The following TANGO6 variants were observed in gnomAD, a reference collection of about 807,000 sequenced individuals.
The protein encoded by TANGO6 is transport and golgi organization 6 homolog.
In TANGO6, 90 loss-of-function variants were observed where a neutral mutation model predicts 114.2. The ratio of observed to expected loss-of-function variants is 0.79; its 90% CI spans 0.66 to 0.94. The LOEUF (loss-of-function observed/expected upper bound fraction) is 0.94, where lower values mean the gene tolerates loss of function less well. Ranked by LOEUF, TANGO6 falls within the 40% of genes least tolerant of loss-of-function variation. TANGO6 has a pLI of 0.00. For missense variants in TANGO6, 1,274 were observed against 1,315.3 expected, an observed-to-expected ratio of 0.97 and a Z score of 0.49; for synonymous variants, 477 against 509.8, an observed-to-expected ratio of 0.94 and a Z score of 0.87.
At chr16:68,847,531 T>C (rs1961832161) in intron 1 of TANGO6, among the ~76,000 whole-genome samples, 1 of 152,170 alleles carries the variant, frequency 6.6e-6, no homozygotes, top group Non-Finnish European at 1.5e-5. Context: ...TTGTGTTCCA[T>C]GTTTGGGTTC....
intron 1 of TANGO6, among the ~76,000 whole-genome samples, chr16:68,844,252 T>C (rs1432852881): frequency 6.6e-6 from 1 of 152,040 alleles, no homozygotes; most frequent in Non-Finnish European, 1.5e-5. Flanking sequence ...CAGTCTAAAA[T>C]CTGAAGGGAT....
At chr16:69,061,090 G>A (rs1667850443) in intron 17 of TANGO6, among the ~76,000 whole-genome samples, 1 of 152,080 alleles carries the variant, frequency 6.6e-6, no homozygotes, top group Non-Finnish European at 1.5e-5. Context: ...GCCTCAACAA[G>A]TTTTCTTAAG....
chr16:68,968,669 ATTTT>A (rs1173517416), intron 14 of TANGO6, among the ~76,000 whole-genome samples: 1 of 109,210 alleles, frequency 9.2e-6, no homozygotes. Flanking sequence ...CCAGCCTAGC[ATTTT>A]TTTTTTTTTT....
At chr16:68,875,684 G>T (rs1282666925) in intron 5 of TANGO6, among the ~76,000 whole-genome samples, 2 of 151,746 alleles carry the variant, frequency 1.3e-5, no homozygotes, top group Non-Finnish European at 2.9e-5. Flanking sequence ...CAGGAGAACG[G>T]ATTGAACCCG....
At chr16:68,954,776 A>G (rs16958503) in intron 14 of TANGO6, among the ~76,000 whole-genome samples, 8,409 of 152,322 alleles carry the variant, frequency 0.055, 316 homozygotes, top group Non-Finnish European at 0.077. Context: ...TTAAAAAGGT[A>G]AAAAACCATA....
intron 16 of TANGO6, among the ~76,000 whole-genome samples, chr16:69,025,324 G>A (rs1330987616): frequency 6.6e-6 from 1 of 152,190 alleles, no homozygotes; most frequent in Non-Finnish European, 1.5e-5. Flanking sequence ...GCAGAGAAGG[G>A]AGCTGGAGAG....
chr16:69,083,668 C>T lies in TANGO6; in HGVS notation c.*7C>T, dbSNP rs373468681. Reference sequence around the variant, plus strand: ...GATCATGGTCCTGCCGTAGACCTGGCTCCAAGGACGTGGAGGAGGCAGGCA... The same window carrying T: ...GATCATGGTCCTGCCGTAGACCTGGTTCCAAGGACGTGGAGGAGGCAGGCA... On this transcript the variant is annotated 3_prime_UTR_variant, in exon 18 of 18. Transcript: ENST00000261778. 1.8e-5 allele frequency: 28 copies of T among 1,553,418 alleles called. No homozygotes were observed. The highest frequency in any genetic ancestry group is 2.4e-5 in the Non-Finnish European group (27 of 1,147,968).
intron 15 of TANGO6, among the ~76,000 whole-genome samples, chr16:68,999,519 A>C (rs1221133320): frequency 6.6e-6 from 1 of 152,236 alleles, no homozygotes; most frequent in African/African-American, 2.4e-5. Flanking sequence ...ATTACAAAAG[A>C]AAACAGATTC....
chr16:68,988,590 A>G (rs746992323), intron 15 of TANGO6, among the ~76,000 whole-genome samples: 4 of 152,262 alleles, frequency 2.6e-5, no homozygotes, highest in Admixed American at 2.0e-4. Flanking sequence ...TTCTTCTAGA[A>G]TGTTAATGAT....
chr16:68,946,075 C>T (rs1963411348), intron 14 of TANGO6, among the ~76,000 whole-genome samples: 1 of 152,088 alleles, frequency 6.6e-6, no homozygotes, highest in African/African-American at 2.4e-5. Flanking sequence ...TTATCAGATG[C>T]ATGATTTGCA....
intron 17 of TANGO6, among the ~76,000 whole-genome samples, chr16:69,073,827 C>T (rs1272768667): frequency 2.0e-5 from 3 of 151,978 alleles, no homozygotes; most frequent in Non-Finnish European, 4.4e-5. Context: ...TGGTGGCGGG[C>T]GCCTGTAATC....
chr16:69,016,339 G>C (rs531811995), intron 15 of TANGO6, among the ~76,000 whole-genome samples: 1 of 151,850 alleles, frequency 6.6e-6, no homozygotes, highest in African/African-American at 2.4e-5. Context: ...GGGAGGTTGC[G>C]GTGAGCCGAG....
intron 17 of TANGO6, among the ~76,000 whole-genome samples, chr16:69,062,546 C>G (rs1159982370): frequency 6.6e-6 from 1 of 151,858 alleles, no homozygotes; most frequent in East Asian, 1.9e-4. Flanking sequence ...GATCTCGGCT[C>G]ACTGCAACCT....
rs190401055 is a variant in TANGO6, at chr16:68,905,824, G to A, written c.1668-1619G>A. Among the ~76,000 whole-genome samples the A allele has an allele frequency of 7.2e-5, 11 of 152,146 alleles. No individual in the cohort carries two copies. In the East Asian group the frequency reaches 1.9e-3, roughly 27 times the overall value. ...GGAGGTTGAGGCTGCAGTGAGCCAC[G>A]ATCGCACCACTGCACTCCAGCCTAG... On this transcript the variant is annotated intron_variant, in intron 9 of 17. Coordinates refer to ENST00000261778, the MANE Select transcript of TANGO6 (RefSeq NM_024562.2).
chr16:68,976,251 A>G (rs1963764953), intron 15 of TANGO6, among the ~76,000 whole-genome samples: 3 of 152,220 alleles, frequency 2.0e-5, no homozygotes. Flanking sequence ...GGATATTAAT[A>G]ACACTTAACT....
chr16:68,944,681 G>A (rs541618986), intron 14 of TANGO6, among the ~76,000 whole-genome samples: 1 of 152,324 alleles, frequency 6.6e-6, no homozygotes, highest in South Asian at 2.1e-4. Context: ...AGTACCTTAT[G>A]TCATAGTTCC....
intron 17 of TANGO6, among the ~76,000 whole-genome samples, chr16:69,060,296 G>A (rs1960095108): frequency 6.6e-6 from 1 of 152,132 alleles, no homozygotes; most frequent in South Asian, 2.1e-4. Context: ...AGGACTACAG[G>A]TGTGAGCCAC....
chr16:68,976,412 T>C (rs1963766034), intron 15 of TANGO6, among the ~76,000 whole-genome samples: 1 of 152,260 alleles, frequency 6.6e-6, no homozygotes, highest in African/African-American at 2.4e-5. Flanking sequence ...TATTTTTTGC[T>C]GTTTATTGAG....
At chr16:68,876,066 T>G (rs930348951) in intron 5 of TANGO6, among the ~76,000 whole-genome samples, 1 of 152,192 alleles carries the variant, frequency 6.6e-6, no homozygotes, top group Non-Finnish European at 1.5e-5. Flanking sequence ...ATTATGCATA[T>G]ACCATCATAT....
Sources: gnomAD v4.1 joint callset for allele counts (sites outside exome capture counted in the v4.1 genomes callset) on GRCh38, gnomAD v4.1.1 for gene constraint, MANE v1.5 for transcripts, NCBI Gene and HGNC (gene_info 2026-07-23, HGNC 2026-07-21) for gene names.